TNNT3: variants seen among roughly 807,000 people sequenced by gnomAD.
TNNT3 encodes troponin T, fast skeletal muscle.
In TNNT3, 36 loss-of-function variants were observed where a neutral mutation model predicts 54.2. The ratio of observed to expected loss-of-function variants is 0.66; its 90% CI spans 0.51 to 0.88. TNNT3 has a LOEUF of 0.88. Ranked by LOEUF, TNNT3 falls within the 40% of genes least tolerant of loss-of-function variation. TNNT3 has a pLI of 0.00. For missense variants in TNNT3, 291 were observed against 331.6 expected, an observed-to-expected ratio of 0.88 and a Z score of 0.95; for synonymous variants, 120 against 109.7, an observed-to-expected ratio of 1.09 and a Z score of -0.59.
At chr11:1,924,172 A>C (rs1589891455) in intron 4 of TNNT3, among the ~76,000 whole-genome samples, 2 of 146,734 alleles carry the variant, frequency 1.4e-5, no homozygotes, top group South Asian at 2.2e-4. Flanking sequence ...CCATTTCTCC[A>C]CCTCCATCTC....
intron 14 of TNNT3, chr11:1,936,240 G>C: frequency 6.2e-7 from 1 of 1,613,896 alleles, no homozygotes; most frequent in Non-Finnish European, 8.5e-7. Context: ...CCAGAGTGCA[G>C]ATGCTGGCCA....
intron 7 of TNNT3, 102 bp from the exon 8 acceptor site, chr11:1,929,708 A>C: frequency 7.5e-7 from 1 of 1,335,782 alleles, no homozygotes; most frequent in South Asian, 1.3e-5. Flanking sequence ...CCTTCAGTGA[A>C]GGGGAACCCA....
chr11:1,933,349 C>T (rs1268241992), intron 9 of TNNT3, among the ~76,000 whole-genome samples: 5 of 152,204 alleles, frequency 3.3e-5, no homozygotes, highest in Admixed American at 1.3e-4. Flanking sequence ...GTTCACATGC[C>T]TACCTATGTA....
chr11:1,923,956 G>T (rs1449904919), intron 4 of TNNT3, among the ~76,000 whole-genome samples: 1 of 146,524 alleles, frequency 6.8e-6, no homozygotes. Context: ...CTGTCTCTCT[G>T]CCTCTCTCTC....
At chr11:1,937,084 G>A in intron 15 of TNNT3, 81 bp downstream of exon 15, 5 of 1,450,842 alleles carry the variant, frequency 3.4e-6, no homozygotes, top group South Asian at 1.2e-5. Context: ...CCTAACAAGG[G>A]CCGGTGGTGG....
chr11:1,922,784 AT>A (rs1850394328), intron 1 of TNNT3, 72 bp from the exon 2 acceptor site: 3 of 1,484,422 alleles, frequency 2.0e-6, no homozygotes. Flanking sequence ...CCCATCCCCC[AT>A]CCTACACCCA....
chr11:1,936,996 C>T lies in TNNT3; in HGVS notation c.715C>T (p.Gln239Ter). ...GCTCAGGAGCCGCATTGACCAGGCC[C>T]AGAAGCAGTGAGTAGCCCTGCCGTC... Reference protein sequence around the residue: ...TTLRSRIDQAQKHSKKAGTPA... With the variant: ...TTLRSRIDQA The change falls in exon 15 of 16, where the codon CAG becomes TAG. Residue 239 changes from glutamine (Q) to a stop codon, truncating the protein, a stop_gained. Transcript: ENST00000278317. LOFTEE classifies it high-confidence loss of function. The T allele has an allele frequency of 6.2e-7, 1 of 1,605,150 alleles. No individual in the cohort carries two copies. Among genetic ancestry groups the T allele is most frequent in the Non-Finnish European group, 8.5e-7 (1 of 1,177,160 alleles).
intron 15 of TNNT3, among the ~76,000 whole-genome samples, 164 bp downstream of exon 15, chr11:1,937,167 A>G (rs1855364791): frequency 6.6e-6 from 1 of 152,132 alleles, no homozygotes; most frequent in East Asian, 1.9e-4. Context: ...GCCTGTGGCC[A>G]GGGACCCGGA....
At chr11:1,926,130 C>T (rs183458634) in intron 5 of TNNT3, among the ~76,000 whole-genome samples, 2 of 152,164 alleles carry the variant, frequency 1.3e-5, no homozygotes, top group Non-Finnish European at 1.5e-5. Context: ...CTTCTGGGGG[C>T]GCCCCAGGAC....
chr11:1,928,491 G>A (rs1484757419), intron 6 of TNNT3, among the ~76,000 whole-genome samples: 1 of 152,212 alleles, frequency 6.6e-6, no homozygotes, highest in Non-Finnish European at 1.5e-5. Context: ...GGAGGTCAGG[G>A]ATGAGTGCGC....
At chr11:1,929,990 T>C (rs542144713) in intron 8 of TNNT3, among the ~76,000 whole-genome samples, 162 bp downstream of exon 8, 183 of 151,340 alleles carry the variant, frequency 1.2e-3, no homozygotes, top group Non-Finnish European at 2.3e-3. Flanking sequence ...GTGTGTTCCG[T>C]GGTGGAGGCG....
chr11:1,928,770 A>G (rs1852352118), intron 6 of TNNT3, among the ~76,000 whole-genome samples: 1 of 152,158 alleles, frequency 6.6e-6, no homozygotes, highest in Admixed American at 6.5e-5. Context: ...TCAGATGCCA[A>G]GGTTGGCCCT....
rs143255528 is a variant in TNNT3 at position 1,938,423 on chromosome 11, G to C, written c.723-15G>C. On this transcript the variant is annotated splice_polypyrimidine_tract_variant and intron_variant, in intron 15 of 15. Transcript: ENST00000278317. ...AGGCCCTGACCCTGAAGGATCACTT[G>C]CTTCCCATTTGCAGCAGCAAGAAGG... 6.1e-3 allele frequency: 9,830 copies of C among 1,613,066 alleles called. 47 individuals carry two copies. The highest frequency in any genetic ancestry group is 7.5e-3 in the Non-Finnish European group (8,883 of 1,179,806).
At chr11:1,936,659 T>C (rs529899266) in intron 14 of TNNT3, among the ~76,000 whole-genome samples, 1 of 152,214 alleles carries the variant, frequency 6.6e-6, no homozygotes, top group Admixed American at 6.5e-5. Context: ...CCGTGCTCCG[T>C]ACCCCCCGCC....
At chr11:1,925,008 C>G (rs1198371434) in intron 4 of TNNT3, 91 bp from the exon 5 acceptor site, 4 of 1,489,034 alleles carry the variant, frequency 2.7e-6, no homozygotes, top group Non-Finnish European at 3.7e-6. Flanking sequence ...GGCCTCCTGT[C>G]CTTGCGGCCT....
At chr11:1,933,614 G>A (rs1854064462) in intron 9 of TNNT3, 107 bp from the exon 10 acceptor site, 4 of 852,684 alleles carry the variant, frequency 4.7e-6, no homozygotes, top group Non-Finnish European at 7.9e-6. Context: ...AGGGAGTCAG[G>A]GCTTCTCTGC....
rs755957019 is a variant in TNNT3, at chr11:1,929,151, C to T, written c.106+8C>T. The T allele has an allele frequency of 6.6e-5, 107 of 1,612,612 alleles. No individual in the cohort carries two copies. The highest frequency in any genetic ancestry group is 1.7e-5 in the Admixed American group (1 of 60,010). On this transcript the variant is annotated splice_region_variant and intron_variant, in intron 7 of 15. Transcript: ENST00000278317. ...CAGAGGAGGACGCGGAAGGTAAGGG[C>T]CCGTCCCTGCCGCCGGAGGTGCAGG...
chr11:1,928,917 C>T (rs1852405187), intron 6 of TNNT3: 1 of 674,992 alleles, frequency 1.5e-6, no homozygotes, highest in Non-Finnish European at 2.7e-6. Flanking sequence ...GGCACCCAGC[C>T]CCTTCCACCC....
chr11:1,934,401 G>T lies in TNNT3; in HGVS notation c.436G>T (p.Ala146Ser). 6.2e-7 allele frequency: 1 copy of T among 1,613,854 alleles called. No individual in the cohort carries two copies. The highest frequency in any genetic ancestry group is 8.5e-7 in the Non-Finnish European group (1 of 1,180,034). ...AGAGGACGACCTGAAGAAGAAGAAA[G>T]CTCTGTCTTCCATGGGAGCCAACTA... ...RAEDDLKKKK[A>S]LSSMGANYSS... is the part of the protein sequence containing the mutation. The change falls in exon 12 of 16, where the codon GCT (alanine) becomes TCT (serine). Residue 146 changes from alanine to serine, a missense_variant. Ala to Ser is a moderately conservative substitution (Grantham distance 99, BLOSUM62 1). Coordinates refer to ENST00000278317, the MANE Select transcript of TNNT3 (RefSeq NM_006757.4).
Sources: allele counts gnomAD v4.1 joint callset (sites outside exome capture counted in the v4.1 genomes callset), GRCh38; gene constraint gnomAD v4.1.1; transcripts MANE v1.5; gene names NCBI Gene and HGNC (gene_info 2026-07-23, HGNC 2026-07-21).